Variants in GALT observed in about 807,000 individuals in gnomAD.
GALT encodes the protein UDP-glucose--hexose-1-phosphate uridylyltransferase.
GALT carries 42 observed loss-of-function variants against 55.4 expected under a neutral mutation model. That is an observed-to-expected ratio of 0.76 (90% CI 0.59 to 0.98). The LOEUF (loss-of-function observed/expected upper bound fraction) is 0.98, where lower values mean the gene tolerates loss of function less well. Among genes scored for constraint, GALT ranks in the 50% least tolerant of loss-of-function variants. The pLI, the probability that GALT is intolerant of heterozygous loss-of-function variation, is 0.00. For missense variants in GALT, 407 were observed against 495.7 expected, an observed-to-expected ratio of 0.82 and a Z score of 1.70; for synonymous variants, 154 against 181.5, an observed-to-expected ratio of 0.85 and a Z score of 1.22.
chr9:34,647,949 C>A lies in GALT; in HGVS notation c.495C>A (p.Tyr165Ter). ...ASVTEELGAQ[Y>*]PWVQIFENKG... ...TCACAGAGGAGCTGGGTGCCCAGTA[C>A]CCTTGGGTGCAGGTTTGTGAGGTCG... Residue 165 changes from tyrosine (Y) to a stop codon, truncating the protein, a stop_gained, in exon 5 of 11, where the codon TAC (tyrosine) becomes TAA (stop). Coordinates refer to ENST00000378842, the MANE Select transcript of GALT (RefSeq NM_000155.4). LOFTEE classifies it high-confidence loss of function. The surrounding 1 kb of genome is among the most constrained non-coding windows in gnomAD (Gnocchi z 5.6). 6.2e-7 allele frequency: 1 copy of A among 1,614,198 alleles called. No homozygotes were observed. Among genetic ancestry groups the A allele is most frequent in the South Asian group, 1.1e-5 (1 of 91,078 alleles).
chr9:34,646,959 C>T (rs1310193965), intron 1 of GALT, 130 bp from the exon 2 acceptor site: 1 of 1,605,610 alleles, frequency 6.2e-7, no homozygotes, highest in East Asian at 2.2e-5. Flanking sequence ...AAAGTCCAAT[C>T]CTGGGCCTCT....
Position 34,648,220 on chromosome 9 carries a change from G to A in GALT, c.564+49G>A, listed in dbSNP as rs1256526456. 1 of 1,613,886 alleles carries A rather than the reference G, an allele frequency of 6.2e-7. No homozygotes were observed. Reference sequence around the variant, plus strand: ...GGGTTTCTTGGCTGAGTCTGAGCCAGCACTGTGGACATGGGAACAGGATTA... The same window carrying A: ...GGGTTTCTTGGCTGAGTCTGAGCCAACACTGTGGACATGGGAACAGGATTA... On this transcript the variant is annotated intron_variant, in intron 6 of 10. Transcript: ENST00000378842. This position sits in a 1 kb window ranked among gnomAD's most constrained non-coding sequence, Gnocchi z 4.9.
intron 9 of GALT, 50 bp downstream of exon 9, chr9:34,649,131 C>G: frequency 6.4e-7 from 1 of 1,556,888 alleles, no homozygotes; most frequent in Non-Finnish European, 8.9e-7. Flanking sequence ...TTTCTGGGCT[C>G]CTGGGGCTCA....
In GALT at chr9:34,647,798, C is replaced by T. The variant is rs760643278; in HGVS notation, c.378-34C>T. 1.2e-5 allele frequency: 20 copies of T among 1,614,090 alleles called. No homozygotes were observed. The Admixed American group carries it at 3.3e-4, about 27-fold the overall frequency. On this transcript the variant is annotated intron_variant, in intron 4 of 10. Coordinates refer to ENST00000378842, the MANE Select transcript of GALT (RefSeq NM_000155.4). The surrounding 1 kb of genome is among the most constrained non-coding windows in gnomAD (Gnocchi z 5.6). ...CTGCCCGTAGCACAGCCAAGCCCTACCTCTCGGTTATCTTTTCTCCCGTCA... is the reference window on the plus strand; with the variant it reads ...CTGCCCGTAGCACAGCCAAGCCCTATCTCTCGGTTATCTTTTCTCCCGTCA...
At chr9:34,649,620 C>A in intron 10 of GALT, 56 bp downstream of exon 10, 1 of 1,589,564 alleles carries the variant, frequency 6.3e-7, no homozygotes, top group Non-Finnish European at 8.6e-7. Flanking sequence ...TATGTGCAGG[C>A]ACCTGATACT....
rs769294519 is a variant in GALT, at chr9:34,648,482, C to T, written c.687+26C>T. On this transcript the variant is annotated intron_variant, in intron 7 of 10. Coordinates refer to ENST00000378842, the MANE Select transcript of GALT (RefSeq NM_000155.4). This position sits in a 1 kb window ranked among gnomAD's most constrained non-coding sequence, Gnocchi z 4.9. Reference sequence around the variant, plus strand: ...GTGGGAGAGAGCCAAGCCCTGTGTCCCCAAGGAGTCCCTAACTTTCTTATC... The same window carrying T: ...GTGGGAGAGAGCCAAGCCCTGTGTCTCCAAGGAGTCCCTAACTTTCTTATC... 6.2e-7 allele frequency: 1 copy of T among 1,613,982 alleles called. No individual in the cohort carries two copies. Among genetic ancestry groups the T allele is most frequent in the Non-Finnish European group, 8.5e-7 (1 of 1,180,008 alleles).
Position 34,648,630 on chromosome 9 carries a change from T to C in GALT, c.688-132T>C. 2 of 1,483,452 alleles carry C rather than the reference T, an allele frequency of 1.3e-6. No homozygotes were observed. The highest frequency in any genetic ancestry group is 1.9e-6 in the Non-Finnish European group (2 of 1,069,302). The allele number at this position is 1,483,452 out of a possible 1,614,324, so 91.9% of individuals were successfully genotyped here. A position where few individuals can be genotyped will look rare whatever the true frequency, so the allele number is the denominator to read the frequency against. On this transcript the variant is annotated intron_variant, in intron 7 of 10. Transcript: ENST00000378842. This position sits in a 1 kb window ranked among gnomAD's most constrained non-coding sequence, Gnocchi z 4.9. ...ATGATGGTGACTTAGACTCGGGTGG[T>C]TAGTGGTAGAGGTGGTGAGAAGACA...
chr9:34,650,300 G>GAAAAAAAAAAAAAAAA (rs1406959631), intron 10 of GALT, 69 bp from the exon 11 acceptor site: 2 of 442,840 alleles, frequency 4.5e-6, no homozygotes, highest in Non-Finnish European at 7.3e-6. Context: ...AAAAAAAAAT[G>GAAAAAAAAAAAAAAAA]AAGTCCATGC....
At position 34,647,631 on chromosome 9, in the gene GALT, CAG is replaced by C. The variant is rs1300340574; in HGVS notation, c.329-21_329-20del. ...TAGACCTCTTGAGGGACTTCTGCTG[CAG>C]AGAGTGATACTCCTTTACCTCAGGA... On this transcript the variant is annotated intron_variant, in intron 3 of 10. Coordinates refer to ENST00000378842, the MANE Select transcript of GALT (RefSeq NM_000155.4). This position sits in a 1 kb window ranked among gnomAD's most constrained non-coding sequence, Gnocchi z 5.6. 3 of 1,614,164 alleles carry C rather than the reference CAG, an allele frequency of 1.9e-6. No homozygotes were observed. The highest frequency in any genetic ancestry group is 2.5e-6 in the Non-Finnish European group (3 of 1,180,016).
chr9:34,647,811 T>A lies in GALT; in HGVS notation c.378-21T>A, dbSNP rs764877943. On this transcript the variant is annotated intron_variant, in intron 4 of 10. Transcript: ENST00000378842. The surrounding 1 kb of genome is among the most constrained non-coding windows in gnomAD (Gnocchi z 5.6). ...AGCCAAGCCCTACCTCTCGGTTATC[T>A]TTTCTCCCGTCACCACCCAGTAAGG... is the stretch of plus-strand genomic sequence containing the variant. The A allele has an allele frequency of 6.2e-7, 1 of 1,614,208 alleles. No individual in the cohort carries two copies. The highest frequency in any genetic ancestry group is 1.1e-5 in the South Asian group (1 of 91,086).
chr9:34,647,843 G>A lies in GALT; in HGVS notation c.389G>A (p.Cys130Tyr), dbSNP rs367543255. The A allele has an allele frequency of 6.2e-7, 1 of 1,614,212 alleles. No individual in the cohort carries two copies. Among genetic ancestry groups the A allele is most frequent in the Non-Finnish European group, 8.5e-7 (1 of 1,180,042 alleles). ...KSARGVCKVM[C>Y]FHPWSDVTLP... is the part of the protein sequence containing the mutation. ...CCGTCACCACCCAGTAAGGTCATGT[G>A]CTTCCACCCCTGGTCGGATGTAACG... Residue 130 changes from cysteine (C) to tyrosine (Y), a missense_variant, in exon 5 of 11, where the codon TGC (cysteine) becomes TAC (tyrosine). Transcript: ENST00000378842. This position sits in a 1 kb window ranked among gnomAD's most constrained non-coding sequence, Gnocchi z 5.6.
In GALT at chr9:34,648,307, T is replaced by C. The variant is rs1404753969; in HGVS notation, c.565-27T>C. The C allele has an allele frequency of 1.2e-6, 2 of 1,613,946 alleles. No individual in the cohort carries two copies. Among genetic ancestry groups the C allele is most frequent in the South Asian group, 1.1e-5 (1 of 91,082 alleles). ...GGCTTGGAGGTAAAGGACCTGCCTG[T>C]TCTTCTCTGCTTTTGCCCCTTGACA... On this transcript the variant is annotated intron_variant, in intron 6 of 10. Transcript: ENST00000378842. This position sits in a 1 kb window ranked among gnomAD's most constrained non-coding sequence, Gnocchi z 4.9.
Position 34,647,421 on chromosome 9 carries a change from C to T in GALT, c.253-71C>T. 1 of 1,584,748 alleles carries T rather than the reference C, an allele frequency of 6.3e-7. No homozygotes were observed. Among genetic ancestry groups the T allele is most frequent in the South Asian group, 1.1e-5 (1 of 90,506 alleles). On this transcript the variant is annotated intron_variant, in intron 2 of 10. Coordinates refer to ENST00000378842, the MANE Select transcript of GALT (RefSeq NM_000155.4). This position sits in a 1 kb window ranked among gnomAD's most constrained non-coding sequence, Gnocchi z 5.6. The stretch of plus-strand genomic sequence containing the variant: ...CTTCCCTACTCCCTTGTAGCCTGTC[C>T]AGTCTTTGAAGCCCACCAGGTAACT...
chr9:34,647,409 T>C lies in GALT; in HGVS notation c.253-83T>C. 1 of 1,576,014 alleles carries C rather than the reference T, an allele frequency of 6.3e-7. No individual in the cohort carries two copies. The highest frequency in any genetic ancestry group is 8.7e-7 in the Non-Finnish European group (1 of 1,145,452). ...CCTAGGGTGGGCCTTCCCTACTCCC[T>C]TGTAGCCTGTCCAGTCTTTGAAGCC... On this transcript the variant is annotated intron_variant, in intron 2 of 10. Transcript: ENST00000378842. This position sits in a 1 kb window ranked among gnomAD's most constrained non-coding sequence, Gnocchi z 5.6.
Position 34,649,056 on chromosome 9 carries a change from C to G in GALT, c.879C>G (p.Ser293=). 1 of 1,614,128 alleles carries G rather than the reference C, an allele frequency of 6.2e-7. No homozygotes were observed. The highest frequency in any genetic ancestry group is 1.1e-5 in the South Asian group (1 of 91,078). ...LTKYDNLFET[S]FPYSMGWHGA... is the part of the protein sequence containing the mutation. ...AGTATGACAACCTCTTTGAGACGTC[C>G]TTTCCCTACTCCATGGGCTGGCATG... The change falls in exon 9 of 11, where the codon TCC becomes TCG. Residue 293 remains serine (S), a synonymous_variant. Coordinates refer to ENST00000378842, the MANE Select transcript of GALT (RefSeq NM_000155.4).
Position 34,647,810 on chromosome 9 carries a change from C to T in GALT, c.378-22C>T. ...CAGCCAAGCCCTACCTCTCGGTTATCTTTTCTCCCGTCACCACCCAGTAAG... is the reference window on the plus strand; with the variant it reads ...CAGCCAAGCCCTACCTCTCGGTTATTTTTTCTCCCGTCACCACCCAGTAAG... On this transcript the variant is annotated intron_variant, in intron 4 of 10. Transcript: ENST00000378842. The surrounding 1 kb of genome is among the most constrained non-coding windows in gnomAD (Gnocchi z 5.6). 1 of 1,614,238 alleles carries T rather than the reference C, an allele frequency of 6.2e-7. No individual in the cohort carries two copies. Among genetic ancestry groups the T allele is most frequent in the Non-Finnish European group, 8.5e-7 (1 of 1,180,046 alleles).
chr9:34,650,231 C>G, intron 10 of GALT, 138 bp from the exon 11 acceptor site: 1 of 655,598 alleles, frequency 1.5e-6, no homozygotes, highest in Non-Finnish European at 2.7e-6. Flanking sequence ...AGTGAGCCAT[C>G]ATCATGGCAT....
Position 34,647,669 on chromosome 9 carries a change from A to C in GALT, c.341A>C (p.His114Pro), listed in dbSNP as rs111033678. 3.7e-6 allele frequency: 6 copies of C among 1,614,148 alleles called. No homozygotes were observed. Among genetic ancestry groups the C allele is most frequent in the Middle Eastern group, 1.6e-4 (1 of 6,062 alleles). Residue 114 changes from histidine (H) to proline (P), a missense_variant, in exon 4 of 11, where the codon CAT (histidine) becomes CCT (proline). Coordinates refer to ENST00000378842, the MANE Select transcript of GALT (RefSeq NM_000155.4). The surrounding 1 kb of genome is among the most constrained non-coding windows in gnomAD (Gnocchi z 5.6). ...PDAPSPGPSDHPLFQAKSARG... is the reference protein window; with the variant it reads ...PDAPSPGPSDPPLFQAKSARG... ...TCCTTTACCTCAGGACCCAGTGATC[A>C]TCCCCTTTTCCAAGCAAAGTCTGCT...
rs1432869852 is a variant in GALT at position 34,650,426 on chromosome 9, A to G, written c.1117A>G (p.Arg373Gly). The G allele has an allele frequency of 2.5e-6, 4 of 1,614,160 alleles. No homozygotes were observed. Among genetic ancestry groups the G allele is most frequent in the Non-Finnish European group, 3.4e-6 (4 of 1,180,010 alleles). Residue 373 changes from arginine to glycine, a missense_variant, in exon 11 of 11, where the codon AGG (arginine) becomes GGG (glycine). Physicochemically the swap from Arg to Gly is moderately radical, Grantham distance 125 (BLOSUM62 -2). Transcript: ENST00000378842. ...EVHYHLGQKD[R>G]ETATIA ...TCATTACCACCTGGGGCAGAAGGAC[A>G]GGGAGACAGCAACCATCGCCTGACC...
Sources: allele counts gnomAD v4.1 joint callset, GRCh38; gene constraint gnomAD v4.1.1; non-coding constraint Gnocchi (gnomAD v3.1); transcripts MANE v1.5; gene names NCBI Gene and HGNC (gene_info 2026-07-23, HGNC 2026-07-21).